UMAD1: variants seen among roughly 807,000 people sequenced by gnomAD.
The protein encoded by UMAD1 is UBAP1-MVB12-associated (UMA)-domain containing protein 1.
UMAD1 carries 8 observed loss-of-function variants against 6.1 expected under a neutral mutation model. The observed-to-expected ratio is 1.30, with a 90% CI of 0.76 to 2.35. UMAD1 has a LOEUF of 2.35. Ranked by LOEUF, UMAD1 falls within the 30% of genes most tolerant of loss-of-function variation. The pLI is 0.00. For synonymous variants in UMAD1, 56 were observed against 31.4 expected (o/e 1.78, Z -2.61); for missense variants, 130 against 78.4 (o/e 1.66, Z -2.49).
chr7:7,802,313 G>A (rs144435101), intron 3 of UMAD1, among the ~76,000 whole-genome samples: 131 of 152,264 alleles, frequency 8.6e-4, no homozygotes, highest in African/African-American at 3.1e-3. Context: ...CGGAGGTGGA[G>A]GTTGCAGTGA....
Position 7,830,305 on chromosome 7 carries a change from C to T in UMAD1, c.156+28562C>T, listed in dbSNP as rs1783436625. Among the ~76,000 whole-genome samples, 1 of 152,066 alleles carries T rather than the reference C, an allele frequency of 6.6e-6. No individual in the cohort carries two copies. Among genetic ancestry groups the T allele is most frequent in the Non-Finnish European group, 1.5e-5 (1 of 68,014 alleles). On this transcript the variant is annotated intron_variant, in intron 3 of 3. Coordinates refer to ENST00000682710, the MANE Select transcript of UMAD1 (RefSeq NM_001302348.2). This position sits in a 1 kb window ranked among gnomAD's most constrained non-coding sequence, Gnocchi z 5.3. ...TGAGTGTGGAATACCTTTTTTGTAG[C>T]AGCTGCTCTGGAGGTTAGCCCTGCC...
At chr7:7,860,604 C>CAAACAAA (rs1784096737) in intron 3 of UMAD1, among the ~76,000 whole-genome samples, 1 of 93,862 alleles carries the variant, frequency 1.1e-5, no homozygotes, top group African/African-American at 4.1e-5. Context: ...ACTAAAAATA[C>CAAACAAA]AAAAAAAAAA....
At chr7:7,723,439 A>G (rs933313528) in intron 2 of UMAD1, among the ~76,000 whole-genome samples, 3 of 152,206 alleles carry the variant, frequency 2.0e-5, no homozygotes, top group Admixed American at 6.5e-5. Context: ...ATGGCCCACT[A>G]TGAGCGAGCT....
At chr7:7,700,504 C>A (rs191112284) in intron 2 of UMAD1, among the ~76,000 whole-genome samples, 2 of 152,160 alleles carry the variant, frequency 1.3e-5, no homozygotes, top group Admixed American at 1.3e-4. Context: ...GTGGGAAGAT[C>A]GCTTGAGGCC....
chr7:7,752,326 C>T (rs1781693404), intron 2 of UMAD1, among the ~76,000 whole-genome samples: 1 of 152,086 alleles, frequency 6.6e-6, no homozygotes, highest in Non-Finnish European at 1.5e-5. Flanking sequence ...CATATGAATA[C>T]ACTGGGGAAA....
At chr7:7,844,757 C>A (rs1204914985) in intron 3 of UMAD1, among the ~76,000 whole-genome samples, 1 of 152,104 alleles carries the variant, frequency 6.6e-6, no homozygotes, top group Non-Finnish European at 1.5e-5. Context: ...TCATCCCTAC[C>A]CTCCAGTGCC....
intron 2 of UMAD1, among the ~76,000 whole-genome samples, chr7:7,713,474 C>T (rs1005597116): frequency 2.0e-5 from 3 of 151,912 alleles, no homozygotes; most frequent in Non-Finnish European, 4.4e-5. Flanking sequence ...GCTCCTCCCC[C>T]CCATGGCAAT....
At chr7:7,843,047 A>G (rs181462732) in intron 3 of UMAD1, among the ~76,000 whole-genome samples, 94 of 152,342 alleles carry the variant, frequency 6.2e-4, no homozygotes, top group African/African-American at 2.2e-3. Context: ...CAGTACTCTT[A>G]GCCCTTCAAA....
chr7:7,821,791 C>A (rs1783246101), intron 3 of UMAD1, among the ~76,000 whole-genome samples: 1 of 152,076 alleles, frequency 6.6e-6, no homozygotes, highest in Non-Finnish European at 1.5e-5. Flanking sequence ...CTGCCTCTTC[C>A]CCTGATGGCT....
intron 2 of UMAD1, among the ~76,000 whole-genome samples, chr7:7,675,428 G>A (rs1423830586): frequency 6.6e-6 from 1 of 152,134 alleles, no homozygotes; most frequent in African/African-American, 2.4e-5. Context: ...TAGTCCTGAT[G>A]AGACATTCCA....
intron 2 of UMAD1, among the ~76,000 whole-genome samples, chr7:7,722,076 G>C (rs1038940375): frequency 1.3e-5 from 2 of 151,774 alleles, no homozygotes; most frequent in African/African-American, 4.8e-5. Context: ...TGGCTTCCTT[G>C]CTCCTCAGCC....
At chr7:7,813,457 G>A (rs762923075) in intron 3 of UMAD1, among the ~76,000 whole-genome samples, 7 of 152,132 alleles carry the variant, frequency 4.6e-5, no homozygotes, top group Non-Finnish European at 8.8e-5. Context: ...GCCTGCCTTG[G>A]CCTCCCAAAG....
At chr7:7,712,167 T>C (rs914122734) in intron 2 of UMAD1, among the ~76,000 whole-genome samples, 5 of 152,176 alleles carry the variant, frequency 3.3e-5, no homozygotes, top group African/African-American at 1.2e-4. Flanking sequence ...TGTTCTCTGC[T>C]TTTCTATATA....
At chr7:7,692,015 G>GA (rs1487042726) in intron 2 of UMAD1, among the ~76,000 whole-genome samples, 3 of 152,178 alleles carry the variant, frequency 2.0e-5, no homozygotes, top group South Asian at 2.1e-4. Flanking sequence ...GTTAGATTGA[G>GA]AAAAAACTAA....
chr7:7,784,649 T>G (rs1449626547), intron 2 of UMAD1, among the ~76,000 whole-genome samples: 2 of 151,982 alleles, frequency 1.3e-5, no homozygotes, highest in Admixed American at 6.6e-5. Context: ...CCGGCCTACT[T>G]AAAATCTTTT....
intron 2 of UMAD1, among the ~76,000 whole-genome samples, chr7:7,706,589 C>T (rs925470656): frequency 1.3e-5 from 2 of 152,018 alleles, no homozygotes; most frequent in African/African-American, 4.8e-5. Flanking sequence ...CTTAAGTAAC[C>T]CATCCAAAGG....
intron 3 of UMAD1, among the ~76,000 whole-genome samples, chr7:7,873,937 T>A (rs750841767): frequency 4.6e-5 from 7 of 152,142 alleles, no homozygotes; most frequent in Non-Finnish European, 8.8e-5. Flanking sequence ...CTCCACTTTC[T>A]CCACCAGATC....
intron 2 of UMAD1, among the ~76,000 whole-genome samples, chr7:7,744,164 T>C (rs977228758): frequency 6.6e-6 from 1 of 152,198 alleles, no homozygotes; most frequent in Non-Finnish European, 1.5e-5. Flanking sequence ...GTGTTTCATA[T>C]AAATGAAATT....
intron 1 of UMAD1, among the ~76,000 whole-genome samples, chr7:7,642,957 G>T (rs750777909): frequency 3.3e-5 from 5 of 152,072 alleles, no homozygotes; most frequent in Middle Eastern, 3.2e-3. Flanking sequence ...TGTATCTTCT[G>T]ACTTCTTTTG....
Sources: gnomAD v4.1 joint callset for allele counts (sites outside exome capture counted in the v4.1 genomes callset) on GRCh38, gnomAD v4.1.1 for gene constraint, Gnocchi (gnomAD v3.1) non-coding constraint, MANE v1.5 for transcripts, NCBI Gene and HGNC (gene_info 2026-07-23, HGNC 2026-07-21) for gene names.